DSCAML1: variants seen among roughly 807,000 people sequenced by gnomAD.
DSCAML1 encodes the protein DS cell adhesion molecule like 1, also known as cell adhesion molecule DSCAML1.
Under a neutral mutation model 200.5 loss-of-function variants are expected in DSCAML1, and 38 were observed. The ratio of observed to expected loss-of-function variants is 0.19; its 90% CI spans 0.15 to 0.25. The LOEUF is 0.25. DSCAML1 is among the 10% of genes least tolerant of loss of function. The pLI is 1.00. For missense variants in DSCAML1, 2,223 were observed against 2,858.8 expected (o/e 0.78, Z 5.07); for synonymous variants, 1,215 against 1,165.0 (o/e 1.04, Z -0.87).
chr11:117,743,991 C>T (rs1565258184), intron 3 of DSCAML1, among the ~76,000 whole-genome samples: 1 of 152,166 alleles, frequency 6.6e-6, no homozygotes, highest in South Asian at 2.1e-4. Flanking sequence ...GTCTAAATAC[C>T]ACCACTCAGC....
At chr11:117,707,803 G>A (rs939843180) in intron 3 of DSCAML1, among the ~76,000 whole-genome samples, 1 of 152,136 alleles carries the variant, frequency 6.6e-6, no homozygotes, top group African/African-American at 2.4e-5. Context: ...AAAGTGCTGG[G>A]ATTACAGGCG....
intron 3 of DSCAML1, among the ~76,000 whole-genome samples, chr11:117,736,755 T>C (rs2054323346): frequency 6.6e-6 from 1 of 152,140 alleles, no homozygotes; most frequent in Non-Finnish European, 1.5e-5. Context: ...ATTGGCCCCA[T>C]CTCCTCATTT....
intron 15 of DSCAML1, among the ~76,000 whole-genome samples, chr11:117,471,262 C>A (rs2137179513): frequency 6.6e-6 from 1 of 152,084 alleles, no homozygotes; most frequent in East Asian, 1.9e-4. Flanking sequence ...AGCTCTGCCT[C>A]CCAGGTTCAA....
intron 3 of DSCAML1, among the ~76,000 whole-genome samples, chr11:117,685,342 G>A (rs777245972): frequency 6.6e-6 from 1 of 152,220 alleles, no homozygotes; most frequent in Non-Finnish European, 1.5e-5. Context: ...CCAGAAAGCG[G>A]CTATCTTCAT....
chr11:117,801,525 A>T (rs2055658166), upstream of DSCAML1: 1 of 152,244 alleles, frequency 6.6e-6, no homozygotes, highest in Non-Finnish European at 1.5e-5. Flanking sequence ...CATACATCTA[A>T]AATACCATCT....
chr11:117,679,002 T>C (rs1278798035), intron 3 of DSCAML1, among the ~76,000 whole-genome samples: 1 of 152,240 alleles, frequency 6.6e-6, no homozygotes, highest in Non-Finnish European at 1.5e-5. Context: ...GCCAAAGTGA[T>C]GGCACACATA....
intron 3 of DSCAML1, among the ~76,000 whole-genome samples, chr11:117,705,316 C>T (rs763627133): frequency 4.6e-5 from 7 of 152,126 alleles, no homozygotes; most frequent in Non-Finnish European, 7.4e-5. Context: ...AACTGAAAGC[C>T]GATGTACTCT....
At position 117,496,593 on chromosome 11, in the gene DSCAML1, C is replaced by T. The variant is rs530174088; in HGVS notation, c.2359+7252G>A. On this transcript the variant is annotated intron_variant, in intron 11 of 32. Transcript: ENST00000651296. ...CACAATTTTGTGATTCATCTGGTCT[C>T]TGCCCTTTATGGTACCTTGGAGCTC... Among the ~76,000 whole-genome samples, 6 of 152,372 alleles carry T rather than the reference C, an allele frequency of 3.9e-5. No individual in the cohort carries two copies. In the South Asian group the frequency reaches 1.2e-3, roughly 32 times the overall value.
At chr11:117,569,865 G>A (rs138433980) in intron 3 of DSCAML1, among the ~76,000 whole-genome samples, 51 of 152,348 alleles carry the variant, frequency 3.3e-4, no homozygotes, top group African/African-American at 1.1e-3. Flanking sequence ...GGCAATCCCA[G>A]TGGAGGGCTC....
chr11:117,492,320 G>A (rs1421088608), intron 11 of DSCAML1, among the ~76,000 whole-genome samples: 1 of 152,182 alleles, frequency 6.6e-6, no homozygotes, highest in African/African-American at 2.4e-5. Context: ...AAGTCTAACT[G>A]AAATCTCTCC....
chr11:117,775,805 C>T (rs1381068477), intron 3 of DSCAML1, among the ~76,000 whole-genome samples: 5 of 151,894 alleles, frequency 3.3e-5, no homozygotes, highest in Non-Finnish European at 7.4e-5. Flanking sequence ...GCTTAAGAAC[C>T]CCTGCTTTAC....
intron 3 of DSCAML1, among the ~76,000 whole-genome samples, chr11:117,678,979 G>A (rs1313302917): frequency 6.6e-6 from 1 of 152,250 alleles, no homozygotes; most frequent in Non-Finnish European, 1.5e-5. Flanking sequence ...GGTTCAAGCG[G>A]AGAACATCTG....
chr11:117,705,493 A>C (rs928070786), intron 3 of DSCAML1, among the ~76,000 whole-genome samples: 8 of 152,214 alleles, frequency 5.3e-5, no homozygotes, highest in African/African-American at 1.9e-4. Flanking sequence ...CACATTCTGT[A>C]CAGTAGATAA....
intron 3 of DSCAML1, among the ~76,000 whole-genome samples, chr11:117,600,068 C>T (rs1407838521): frequency 6.6e-6 from 1 of 152,218 alleles, no homozygotes; most frequent in Non-Finnish European, 1.5e-5. Flanking sequence ...ATAGAGCCCA[C>T]ATGGTAGAGG....
At chr11:117,651,010 G>A (rs749039577) in intron 3 of DSCAML1, among the ~76,000 whole-genome samples, 30 of 152,368 alleles carry the variant, frequency 2.0e-4, no homozygotes, top group Non-Finnish European at 2.5e-4. Flanking sequence ...TTTGTCTTCC[G>A]TGCCTTTGTA....
At chr11:117,490,562 C>T (rs1271013215) in intron 11 of DSCAML1, among the ~76,000 whole-genome samples, 1 of 152,344 alleles carries the variant, frequency 6.6e-6, no homozygotes, top group East Asian at 1.9e-4. Flanking sequence ...CAGGCCCGCT[C>T]CTTGCAGTTT....
chr11:117,754,091 G>C (rs143410216), intron 3 of DSCAML1, among the ~76,000 whole-genome samples: 374 of 152,244 alleles, frequency 2.5e-3, no homozygotes, highest in African/African-American at 8.0e-3. Context: ...AGAGATTCCC[G>C]ACTTTTGGAT....
intron 3 of DSCAML1, among the ~76,000 whole-genome samples, chr11:117,738,100 T>C (rs964114139): frequency 1.3e-5 from 2 of 152,188 alleles, no homozygotes; most frequent in African/African-American, 2.4e-5. Context: ...AATAGATGCT[T>C]ACTGCTGAAT....
chr11:117,797,499 C>CTGCCA, upstream of DSCAML1, among the ~76,000 whole-genome samples: 1 of 152,368 alleles, frequency 6.6e-6, no homozygotes, highest in Middle Eastern at 3.4e-3. Flanking sequence ...TGCCAACAGC[C>CTGCCA]TGCCATGCTT....
Sources: allele counts gnomAD v4.1 joint callset (sites outside exome capture counted in the v4.1 genomes callset), GRCh38; gene constraint gnomAD v4.1.1; transcripts MANE v1.5; gene names NCBI Gene and HGNC (gene_info 2026-07-23, HGNC 2026-07-21).